Variants in ZNF536 observed in about 807,000 individuals in gnomAD.
The protein encoded by ZNF536 is zinc finger protein 536.
ZNF536 carries 13 observed loss-of-function variants against 84.5 expected under a neutral mutation model. The ratio of observed to expected loss-of-function variants is 0.15; its 90% CI spans 0.10 to 0.24. The LOEUF (loss-of-function observed/expected upper bound fraction) is 0.24, where lower values mean the gene tolerates loss of function less well. Ranked by LOEUF, ZNF536 falls within the 10% of genes least tolerant of loss-of-function variation. The pLI, the probability that ZNF536 is intolerant of heterozygous loss-of-function variation, is 1.00. For synonymous variants in ZNF536, 811 were observed against 742.5 expected, an observed-to-expected ratio of 1.09 and a Z score of -1.50; for missense variants, 1,536 against 1,747.5, an observed-to-expected ratio of 0.88 and a Z score of 2.16.
In ZNF536 at chr19:30,438,332, A is replaced by G. The variant is rs77566745; in HGVS notation, c.-2-5229A>G. On this transcript the variant is annotated intron_variant, in intron 1 of 4. Transcript: ENST00000355537. ...TACCCATTATTGAGATTAGCTCAAC[A>G]TGGATTAAAGACTTAAACATAAGAT... Among the ~76,000 whole-genome samples the G allele has an allele frequency of 6.4e-3, 981 of 152,280 alleles. 12 individuals are homozygous for G. Among genetic ancestry groups the G allele is most frequent in the African/African-American group, 0.023 (944 of 41,546 alleles).
exon 2 of ZNF536, chr19:30,713,361 A>G (rs2052511815): frequency 6.6e-6 from 1 of 152,222 alleles, no homozygotes; most frequent in South Asian, 2.1e-4. Flanking sequence ...CGCAAAGAAA[A>G]AAAAATCTAT....
intron 1 of ZNF536, among the ~76,000 whole-genome samples, chr19:30,676,656 T>G (rs2050763227): frequency 6.6e-6 from 1 of 152,250 alleles, no homozygotes; most frequent in South Asian, 2.1e-4. Flanking sequence ...CTTTGCAATT[T>G]TATTCCAATT....
chr19:30,499,719 T>G (rs2054873118), intron 2 of ZNF536, among the ~76,000 whole-genome samples: 1 of 152,244 alleles, frequency 6.6e-6, no homozygotes, highest in South Asian at 2.1e-4. Flanking sequence ...TGTCTGGACT[T>G]CTCCAGACAT....
chr19:30,376,703 T>C (rs2048831653), intron 1 of ZNF536, among the ~76,000 whole-genome samples: 1 of 152,170 alleles, frequency 6.6e-6, no homozygotes, highest in Non-Finnish European at 1.5e-5. Flanking sequence ...GACTCTCAGC[T>C]CCATGGTGTG....
intron 3 of ZNF536, among the ~76,000 whole-genome samples, chr19:30,361,788 G>A (rs997138450): frequency 6.9e-6 from 1 of 145,802 alleles, no homozygotes; most frequent in East Asian, 2.1e-4. Context: ...CCCTGCGGGC[G>A]GCCTGGCAAG....
intron 2 of ZNF536, among the ~76,000 whole-genome samples, chr19:30,513,994 A>G (rs2055526797): frequency 6.6e-6 from 1 of 152,204 alleles, no homozygotes; most frequent in Non-Finnish European, 1.5e-5. Context: ...ACGAGAGCCC[A>G]TTGGCTTTCT....
intron 1 of ZNF536, among the ~76,000 whole-genome samples, chr19:30,682,747 C>G (rs2051027175): frequency 1.3e-5 from 2 of 152,086 alleles, no homozygotes; most frequent in Admixed American, 1.3e-4. Flanking sequence ...GGCACCCTCT[C>G]TCCCCCAACA....
chr19:30,291,037 C>T (rs991273967), intron 2 of ZNF536, among the ~76,000 whole-genome samples: 1 of 152,182 alleles, frequency 6.6e-6, no homozygotes, highest in African/African-American at 2.4e-5. Flanking sequence ...TTTATGGCTG[C>T]ATAGTATTCC....
At position 30,694,992 on chromosome 19, in the gene ZNF536, C is replaced by T. The variant is rs2051595678; in HGVS notation, c.170-15765C>T. ...CAGAGCTACCCAGTATGTCAAGGTGCACCTGAGAAGCCGTTCAACACTCTC... is the reference window on the plus strand; with the variant it reads ...CAGAGCTACCCAGTATGTCAAGGTGTACCTGAGAAGCCGTTCAACACTCTC... On this transcript the variant is annotated intron_variant, in intron 1 of 1. Transcript: ENST00000592773. Among the ~76,000 whole-genome samples the T allele has an allele frequency of 2.0e-5, 3 of 152,198 alleles. No individual in the cohort carries two copies. In the South Asian group the frequency reaches 6.2e-4, roughly 31 times the overall value.
chr19:30,617,366 T>TTTTTTTTTTTA (rs869281886), intron 1 of ZNF536, among the ~76,000 whole-genome samples: 23 of 115,976 alleles, frequency 2.0e-4, no homozygotes, highest in Non-Finnish European at 3.6e-4. Flanking sequence ...TTTTTTTTTT[T>TTTTTTTTTTTA]ATGAGATGGA....
intron 1 of ZNF536, among the ~76,000 whole-genome samples, chr19:30,601,482 G>C (rs1230889575): frequency 1.3e-5 from 2 of 152,174 alleles, no homozygotes; most frequent in African/African-American, 4.8e-5. Flanking sequence ...GCTACGCTAG[G>C]AGGGCCCACA....
At chr19:30,302,834 G>A (rs1256638021) in intron 2 of ZNF536, among the ~76,000 whole-genome samples, 1 of 152,076 alleles carries the variant, frequency 6.6e-6, no homozygotes, top group Non-Finnish European at 1.5e-5. Context: ...CTGAATGGGT[G>A]CAGCAGACGC....
intron 1 of ZNF536, among the ~76,000 whole-genome samples, chr19:30,258,460 AGTT>A (rs1186568543): frequency 6.6e-6 from 1 of 152,186 alleles, no homozygotes; most frequent in Non-Finnish European, 1.5e-5. Context: ...TATAATGCGT[AGTT>A]GTTTCCTGTT....
At chr19:30,681,427 C>A (rs967674709) in intron 1 of ZNF536, among the ~76,000 whole-genome samples, 2 of 152,084 alleles carry the variant, frequency 1.3e-5, no homozygotes, top group African/African-American at 4.8e-5. Flanking sequence ...GAGGAGGAAG[C>A]CTGTGAGCTG....
chr19:30,306,244 A>AGCTTT (rs1186911934), intron 2 of ZNF536, among the ~76,000 whole-genome samples: 2 of 137,928 alleles, frequency 1.5e-5, no homozygotes, highest in African/African-American at 5.5e-5. Context: ...GTCAGACTTC[A>AGCTTT]GCTTTGAGTT....
intron 1 of ZNF536, among the ~76,000 whole-genome samples, chr19:30,396,229 C>T (rs1224729619): frequency 6.6e-6 from 1 of 152,200 alleles, no homozygotes; most frequent in African/African-American, 2.4e-5. Context: ...GTACCTCTCT[C>T]CATCTCCTGA....
intron 2 of ZNF536, among the ~76,000 whole-genome samples, chr19:30,507,852 C>T (rs151306672): frequency 1.3e-5 from 2 of 152,290 alleles, no homozygotes; most frequent in African/African-American, 4.8e-5. Context: ...CATGCGCATA[C>T]GTGATGAACC....
At chr19:30,524,129 A>G (rs1321861557) in intron 2 of ZNF536, among the ~76,000 whole-genome samples, 2 of 152,100 alleles carry the variant, frequency 1.3e-5, no homozygotes, top group Non-Finnish European at 2.9e-5. Flanking sequence ...GCCCTAATAG[A>G]TTATTTAAAA....
chr19:30,615,854 G>A (rs557217168), intron 1 of ZNF536, among the ~76,000 whole-genome samples: 6 of 151,748 alleles, frequency 4.0e-5, no homozygotes, highest in African/African-American at 1.5e-4. Context: ...TTATTTCTGG[G>A]TATATTCTCT....
Sources: allele counts gnomAD v4.1 joint callset (sites outside exome capture counted in the v4.1 genomes callset), GRCh38; gene constraint gnomAD v4.1.1; transcripts MANE v1.5; gene names NCBI Gene and HGNC (gene_info 2026-07-23, HGNC 2026-07-21).